The following TBC1D5 variants were observed in gnomAD, a reference collection of about 807,000 sequenced individuals.
TBC1D5 encodes the protein TBC1 domain family, member 5.
Under a neutral mutation model 100.3 loss-of-function variants are expected in TBC1D5, and 75 were observed. The observed-to-expected ratio is 0.75, with a 90% CI of 0.62 to 0.91. The LOEUF (loss-of-function observed/expected upper bound fraction) is 0.91, where lower values mean the gene tolerates loss of function less well. Ranked by LOEUF, TBC1D5 falls within the 40% of genes least tolerant of loss-of-function variation. TBC1D5 has a pLI of 0.00. For missense variants in TBC1D5, 910 were observed against 942.4 expected (o/e 0.97, Z 0.45); for synonymous variants, 323 against 325.6 (o/e 0.99, Z 0.09).
intron 1 of TBC1D5, among the ~76,000 whole-genome samples, chr3:17,716,180 C>G (rs1382562812): frequency 6.6e-6 from 1 of 152,082 alleles, no homozygotes; most frequent in Non-Finnish European, 1.5e-5. Flanking sequence ...TTATGTCCAC[C>G]ACTCCTCTAT....
At chr3:17,520,991 G>T (rs1314664863) in intron 2 of TBC1D5, among the ~76,000 whole-genome samples, 1 of 152,120 alleles carries the variant, frequency 6.6e-6, no homozygotes, top group African/African-American at 2.4e-5. Flanking sequence ...ACTAAAATGT[G>T]TGATTCAAAT....
At chr3:17,561,064 G>A (rs991776223) in intron 2 of TBC1D5, among the ~76,000 whole-genome samples, 1 of 152,164 alleles carries the variant, frequency 6.6e-6, no homozygotes, top group Non-Finnish European at 1.5e-5. Context: ...CTTTTGGAGG[G>A]AAAAAGAGGG....
At chr3:17,158,875 C>T (rs544085255) in exon 22 of TBC1D5, 1 of 152,368 alleles carries the variant, frequency 6.6e-6, no homozygotes, top group Admixed American at 6.5e-5. Context: ...GTCTGTGGTC[C>T]TTTCCAGTCT....
intron 2 of TBC1D5, among the ~76,000 whole-genome samples, chr3:17,602,691 G>C (rs1346793954): frequency 6.9e-6 from 1 of 144,408 alleles, no homozygotes; most frequent in East Asian, 2.1e-4. Context: ...TCCTGTCTCA[G>C]CCTCCCAAGT....
intron 1 of TBC1D5, among the ~76,000 whole-genome samples, chr3:17,680,565 T>C (rs2069314322): frequency 6.6e-6 from 1 of 151,304 alleles, no homozygotes; most frequent in Non-Finnish European, 1.5e-5. Flanking sequence ...TATATGATCT[T>C]TTTAATACTC....
At chr3:17,691,317 T>A (rs940953269) in intron 1 of TBC1D5, among the ~76,000 whole-genome samples, 1 of 152,202 alleles carries the variant, frequency 6.6e-6, no homozygotes, top group Non-Finnish European at 1.5e-5. Context: ...GTATTCCATC[T>A]CTATAATTTT....
chr3:17,742,585 GCCGGGC>G (rs903391530), upstream of TBC1D5: 3 of 152,306 alleles, frequency 2.0e-5, no homozygotes, highest in African/African-American at 7.2e-5. Flanking sequence ...CGCGGAAGCG[GCCGGGC>G]CCGGCCCGAC....
In TBC1D5 at chr3:17,165,831, A is replaced by G. The variant is rs200249602; in HGVS notation, c.2094+936T>C. 7.9e-5 allele frequency among the ~76,000 whole-genome samples: 12 copies of G among 152,312 alleles called. No individual in the cohort carries two copies. In the East Asian group the frequency reaches 2.1e-3, roughly 27 times the overall value. The stretch of plus-strand genomic sequence containing the variant: ...ATCTTTTCGTCTTATCGGATAATGG[A>G]CAGCAGGGCAACATGGTGGGACTGA... On this transcript the variant is annotated intron_variant, in intron 21 of 21. Coordinates refer to ENST00000253692, the Ensembl canonical transcript of TBC1D5.
At chr3:17,700,886 T>C (rs565770611) in intron 1 of TBC1D5, among the ~76,000 whole-genome samples, 1 of 152,178 alleles carries the variant, frequency 6.6e-6, no homozygotes, top group African/African-American at 2.4e-5. Flanking sequence ...TTGGTGGGAC[T>C]GTAAACCAGT....
intron 2 of TBC1D5, among the ~76,000 whole-genome samples, chr3:17,613,171 T>C (rs1420478374): frequency 6.6e-6 from 1 of 152,162 alleles, no homozygotes; most frequent in Non-Finnish European, 1.5e-5. Flanking sequence ...TTGCTGAGAA[T>C]GATGGTTTCC....
At chr3:17,267,055 C>A (rs375938162) in intron 15 of TBC1D5, among the ~76,000 whole-genome samples, 1 of 152,068 alleles carries the variant, frequency 6.6e-6, no homozygotes, top group East Asian at 1.9e-4. Flanking sequence ...TATACCCTGG[C>A]AAGCCGAGAT....
intron 3 of TBC1D5, among the ~76,000 whole-genome samples, chr3:17,445,656 A>G (rs548008441): frequency 2.0e-5 from 3 of 152,332 alleles, no homozygotes; most frequent in Admixed American, 2.0e-4. Flanking sequence ...AACTTTTATT[A>G]TGTGATAAAA....
intron 14 of TBC1D5, among the ~76,000 whole-genome samples, chr3:17,302,857 T>C (rs558493648): frequency 1.3e-4 from 20 of 152,334 alleles, no homozygotes; most frequent in African/African-American, 4.1e-4. Flanking sequence ...TTAAGATTTA[T>C]TGAATGAATG....
At chr3:17,602,109 G>A (rs1485926243) in intron 2 of TBC1D5, among the ~76,000 whole-genome samples, 2 of 152,196 alleles carry the variant, frequency 1.3e-5, no homozygotes, top group African/African-American at 4.8e-5. Context: ...GGTATTACAG[G>A]CGTAAGCCAT....
chr3:17,459,849 T>C (rs1248654893), intron 3 of TBC1D5, among the ~76,000 whole-genome samples: 1 of 152,102 alleles, frequency 6.6e-6, no homozygotes, highest in Admixed American at 6.6e-5. Context: ...TAGAAAAACA[T>C]AGGGTTTTCC....
In TBC1D5 at chr3:17,160,438, C is replaced by T. The variant is rs151236622; in HGVS notation, c.*525G>A. The T allele has an allele frequency of 6.1e-3, 946 of 154,008 alleles. 5 individuals carry two copies. The highest frequency in any genetic ancestry group is 9.5e-3 in the Non-Finnish European group (658 of 69,152). The allele number at this position is 154,008 out of a possible 1,614,324, so 9.5% of individuals were successfully genotyped here. A position where few individuals can be genotyped will look rare whatever the true frequency, so the allele number is the denominator to read the frequency against. On this transcript the variant is annotated 3_prime_UTR_variant, in exon 22 of 22. Transcript: ENST00000253692. ...TTCTGGTTCATTCTATTGCATTTAGCTCTGCGATATGGCTTCCCAATGCAG... is the reference window on the plus strand; with the variant it reads ...TTCTGGTTCATTCTATTGCATTTAGTTCTGCGATATGGCTTCCCAATGCAG...
chr3:17,619,320 A>G (rs1007615046), intron 2 of TBC1D5, among the ~76,000 whole-genome samples: 1 of 152,210 alleles, frequency 6.6e-6, no homozygotes, highest in African/African-American at 2.4e-5. Context: ...ACTGAAAATA[A>G]ATAGATATGA....
intron 2 of TBC1D5, among the ~76,000 whole-genome samples, chr3:17,522,897 A>G (rs536467582): frequency 6.6e-6 from 1 of 152,320 alleles, no homozygotes; most frequent in South Asian, 2.1e-4. Flanking sequence ...TGTAAACTTC[A>G]GTAAACAATC....
At chr3:17,688,767 C>T (rs1234954342) in intron 1 of TBC1D5, among the ~76,000 whole-genome samples, 2 of 152,196 alleles carry the variant, frequency 1.3e-5, no homozygotes, top group Non-Finnish European at 2.9e-5. Context: ...TTACTTTGCT[C>T]ATCTCATTCT....
Sources: allele counts gnomAD v4.1 joint callset (sites outside exome capture counted in the v4.1 genomes callset), GRCh38; gene constraint gnomAD v4.1.1; transcripts MANE v1.5; gene names NCBI Gene and HGNC (gene_info 2026-07-23, HGNC 2026-07-21).